SEC31A: variants seen among roughly 807,000 people sequenced by gnomAD.
SEC31A encodes the protein protein transport protein Sec31A.
A neutral mutation model predicts 151.0 loss-of-function variants in SEC31A; 70 were observed. The observed-to-expected ratio is 0.46, with a 90% CI of 0.38 to 0.57. SEC31A has a LOEUF of 0.57. SEC31A is among the 20% of genes least tolerant of loss of function. The pLI is 0.00. For synonymous variants in SEC31A, 475 were observed against 505.9 expected (o/e 0.94, Z 0.82); for missense variants, 1,330 against 1,471.2 (o/e 0.90, Z 1.57).
At chr4:82,880,741 G>A (rs1185250393) in intron 3 of SEC31A, 58 bp downstream of exon 3, 11 of 1,398,484 alleles carry the variant, frequency 7.9e-6, no homozygotes, top group Admixed American at 6.5e-5. Context: ...AGACAAATTA[G>A]GAATCAAGAA....
At chr4:82,896,083 T>A (rs915126652), upstream of SEC31A, among the ~76,000 whole-genome samples, 1 of 152,252 alleles carries the variant, frequency 6.6e-6, no homozygotes, top group Non-Finnish European at 1.5e-5. Flanking sequence ...AGTGTATCAC[T>A]GTATTGACTT....
chr4:82,871,438 CA>C, intron 7 of SEC31A: 1 of 1,474,560 alleles, frequency 6.8e-7, no homozygotes, highest in African/African-American at 1.4e-5. Context: ...TTAAGCAAAA[CA>C]ATGGATAACA....
At position 82,881,892 on chromosome 4, in the gene SEC31A, G is replaced by C. The variant is rs1351651892; in HGVS notation, c.45C>G (p.Ser15Arg). 4.3e-6 allele frequency: 7 copies of C among 1,614,084 alleles called. No homozygotes were observed. Among genetic ancestry groups the C allele is most frequent in the Non-Finnish European group, 5.9e-6 (7 of 1,179,946 alleles). Residue 15 changes from serine (S) to arginine (R), a missense_variant, in exon 2 of 27, where the codon AGC becomes AGG. Ser to Arg is a moderately radical substitution (Grantham distance 110). Coordinates refer to ENST00000395310, the MANE Select transcript of SEC31A (RefSeq NM_001077207.4). ...GGTAAATGGGGTGATTCTGGGCAGG[G>C]CTCCATGCCTGCATGGCTGTACGAT... is the stretch of plus-strand genomic sequence containing the variant. ...EVDRTAMQAWSPAQNHPIYLA... is the reference protein window; with the variant it reads ...EVDRTAMQAWRPAQNHPIYLA...
chr4:82,819,824 C>T lies in SEC31A; in HGVS notation c.3484-571G>A, dbSNP rs371634650. Among the ~76,000 whole-genome samples the T allele has an allele frequency of 5.9e-5, 9 of 151,788 alleles. No individual in the cohort carries two copies. In the East Asian group the frequency reaches 7.8e-4, roughly 13 times the overall value. Reference sequence around the variant, plus strand: ...TCACCCAGGCTGGAGTACAGTGGTGCGATCTCGACTCACTGCAACCTCCGC... The same window carrying T: ...TCACCCAGGCTGGAGTACAGTGGTGTGATCTCGACTCACTGCAACCTCCGC... On this transcript the variant is annotated intron_variant, in intron 26 of 26. Coordinates refer to ENST00000395310, the MANE Select transcript of SEC31A (RefSeq NM_001077207.4).
At chr4:82,873,616 G>C (rs932759449) in intron 6 of SEC31A, among the ~76,000 whole-genome samples, 1 of 152,090 alleles carries the variant, frequency 6.6e-6, no homozygotes, top group African/African-American at 2.4e-5. Context: ...TGATTCACTT[G>C]AAAACAATAC....
rs1719664131 is a variant in SEC31A, at chr4:82,891,089, T to C, written c.-6A>G. On this transcript the variant is annotated splice_region_variant and 5_prime_UTR_variant, in exon 1 of 27. Coordinates refer to ENST00000395310, the MANE Select transcript of SEC31A (RefSeq NM_001077207.4). ...ACAAAAAGCAACGGGCGGACGCACCTGGCGAGGACCTTCGGCAGCCGGATC... is the reference window on the plus strand; with the variant it reads ...ACAAAAAGCAACGGGCGGACGCACCCGGCGAGGACCTTCGGCAGCCGGATC... 1.3e-6 allele frequency: 2 copies of C among 1,535,846 alleles called. No homozygotes were observed. Among genetic ancestry groups the C allele is most frequent in the African/African-American group, 1.4e-5 (1 of 73,044 alleles).
At chr4:82,865,536 GTATATATATATATATATATATATA>G (rs55681370) in intron 10 of SEC31A, among the ~76,000 whole-genome samples, 2,268 of 137,214 alleles carry the variant, frequency 0.017, 91 homozygotes, top group African/African-American at 0.057. Context: ...AAAAAATGTG[GTATATATATATATATATATATATA>G]TATATATATA....
intron 8 of SEC31A, among the ~76,000 whole-genome samples, chr4:82,869,046 T>C (rs1736046876): frequency 6.6e-6 from 1 of 152,196 alleles, no homozygotes; most frequent in South Asian, 2.1e-4. Flanking sequence ...TTTTGTTTGA[T>C]AAGATGTGTG....
chr4:82,873,298 C>T, intron 6 of SEC31A, among the ~76,000 whole-genome samples: 1 of 151,216 alleles, frequency 6.6e-6, no homozygotes, highest in East Asian at 2.0e-4. Flanking sequence ...GCGGAGGTTG[C>T]AGTGCCATGA....
At chr4:82,894,860 G>A (rs1480304904), upstream of SEC31A, 1 of 152,188 alleles carries the variant, frequency 6.6e-6, no homozygotes, top group Non-Finnish European at 1.5e-5. Flanking sequence ...GTTCAGACAT[G>A]TTATAACAAG....
chr4:82,832,818 TG>T (rs1291380642), intron 22 of SEC31A, among the ~76,000 whole-genome samples: 1 of 152,246 alleles, frequency 6.6e-6, no homozygotes, highest in Non-Finnish European at 1.5e-5. Context: ...TCATCATCAC[TG>T]GTCATTGGAG....
chr4:82,871,903 A>G lies in SEC31A; in HGVS notation c.782+41T>C, dbSNP rs776808088. 9 of 1,613,456 alleles carry G rather than the reference A, an allele frequency of 5.6e-6. No individual in the cohort carries two copies. In the Admixed American group the frequency reaches 6.7e-5, roughly 12 times the overall value. On this transcript the variant is annotated intron_variant, in intron 7 of 26. Transcript: ENST00000395310. ...ACGAAAACATCACCGACATGTTCAGAAAATAAACAAATCAAGTTCTTTGTA... is the reference window on the plus strand; with the variant it reads ...ACGAAAACATCACCGACATGTTCAGGAAATAAACAAATCAAGTTCTTTGTA...
At chr4:82,879,497 T>C (rs996475148) in intron 3 of SEC31A, among the ~76,000 whole-genome samples, 2 of 152,092 alleles carry the variant, frequency 1.3e-5, no homozygotes, top group African/African-American at 4.8e-5. Context: ...ATCAAGATTA[T>C]AACAAGTACC....
chr4:82,872,090 A>C lies in SEC31A; in HGVS notation c.640-4T>G, dbSNP rs4693525. The C allele has an allele frequency of 0.78, 1,245,875 of 1,607,374 alleles. 485,276 individuals carry two copies. The highest frequency in any genetic ancestry group is 0.82 in the Admixed American group (49,105 of 59,932). On this transcript the variant is annotated splice_region_variant and splice_polypyrimidine_tract_variant and intron_variant, in intron 6 of 26. Transcript: ENST00000395310. ...ATGCCAACCCAGAACAATGCATCTG[A>C]AGATAGTTAAGGTTCACATTTTATG...
At chr4:82,891,515 G>T (rs1719759335), upstream of SEC31A, among the ~76,000 whole-genome samples, 2 of 152,242 alleles carry the variant, frequency 1.3e-5, no homozygotes, top group African/African-American at 4.8e-5. Flanking sequence ...CGTAGCACTA[G>T]TCCTGTGAGG....
rs1023769293 is a variant in SEC31A, at chr4:82,836,962, A to G, written c.2968+5178T>C. ...GAATGACAAACGCTTGAGGTGATGG[A>G]TACTCCAATACCATTTACCCTGATG... is the stretch of plus-strand genomic sequence containing the variant. On this transcript the variant is annotated intron_variant, in intron 22 of 26. Coordinates refer to ENST00000395310, the MANE Select transcript of SEC31A (RefSeq NM_001077207.4). 1.7e-4 allele frequency among the ~76,000 whole-genome samples: 26 copies of G among 151,702 alleles called. 1 individual carries two copies. Among genetic ancestry groups the G allele is most frequent in the Admixed American group, 1.7e-3 (26 of 15,242 alleles).
intron 1 of SEC31A, among the ~76,000 whole-genome samples, chr4:82,888,645 C>A (rs1741513891): frequency 6.6e-6 from 1 of 151,012 alleles, no homozygotes; most frequent in Non-Finnish European, 1.5e-5. Flanking sequence ...GCCGAGATCG[C>A]GCCAATGTAC....
chr4:82,875,756 T>C lies in SEC31A; in HGVS notation c.469A>G (p.Thr157Ala), dbSNP rs765362034. 2 of 1,606,504 alleles carry C rather than the reference T, an allele frequency of 1.2e-6. No individual in the cohort carries two copies. The highest frequency in any genetic ancestry group is 3.3e-5 in the Admixed American group (2 of 59,734). The change falls in exon 5 of 27, where the codon ACC becomes GCC. Residue 157 changes from threonine (T) to alanine (A), a missense_variant. Thr to Ala is a moderately conservative substitution (Grantham distance 58, BLOSUM62 0). Coordinates refer to ENST00000395310, the MANE Select transcript of SEC31A (RefSeq NM_001077207.4). ...IYIWDLNNFATPMTPGAKTQP... is the reference protein window; with the variant it reads ...IYIWDLNNFAAPMTPGAKTQP... ...GTTTTGGCTCCTGGTGTCATTGGGG[T>C]TGCAAAATTATTTAGATCCCATATG...
chr4:82,866,670 T>C (rs991092889), intron 10 of SEC31A, 138 bp downstream of exon 10: 2 of 739,522 alleles, frequency 2.7e-6, no homozygotes, highest in African/African-American at 1.8e-5. Context: ...AGAAACCATT[T>C]TGAATGATGA....
Sources: allele counts gnomAD v4.1 joint callset (sites outside exome capture counted in the v4.1 genomes callset), GRCh38; gene constraint gnomAD v4.1.1; transcripts MANE v1.5; gene names NCBI Gene and HGNC (gene_info 2026-07-23, HGNC 2026-07-21).